PKP2: variants seen among roughly 807,000 people sequenced by gnomAD.
The protein encoded by PKP2 is plakophilin-2.
PKP2 carries 73 observed loss-of-function variants against 83.4 expected under a neutral mutation model. That is an observed-to-expected ratio of 0.88 (90% CI 0.72 to 1.06). The LOEUF (loss-of-function observed/expected upper bound fraction) is 1.06. Ranked by LOEUF, PKP2 falls within the 50% of genes least tolerant of loss-of-function variation. The probability of loss-of-function intolerance (pLI) is 0.00; values close to 1 mark genes in which losing one functional copy is unlikely to be tolerated. For synonymous variants in PKP2, 409 were observed against 430.4 expected (o/e 0.95, Z 0.62); for missense variants, 966 against 1,065.4 (o/e 0.91, Z 1.30).
chr12:32,879,630 A>G (rs1956967558), intron 1 of PKP2, among the ~76,000 whole-genome samples: 1 of 152,052 alleles, frequency 6.6e-6, no homozygotes, highest in Non-Finnish European at 1.5e-5. Flanking sequence ...GGCATTCAAG[A>G]GCAGCCTGGC....
chr12:32,852,481 A>G (rs1049428168), intron 4 of PKP2, among the ~76,000 whole-genome samples: 5 of 152,230 alleles, frequency 3.3e-5, no homozygotes, highest in African/African-American at 1.2e-4. Context: ...AATAATAGCC[A>G]CAACAATAAC....
intron 3 of PKP2, among the ~76,000 whole-genome samples, chr12:32,869,924 A>T (rs1218936770): frequency 1.3e-5 from 2 of 151,854 alleles, no homozygotes; most frequent in Non-Finnish European, 2.9e-5. Flanking sequence ...AGCTACTTGG[A>T]AGGCTGAGGT....
intron 4 of PKP2, among the ~76,000 whole-genome samples, chr12:32,859,389 AGAT>A (rs1300204840): frequency 1.3e-5 from 2 of 152,184 alleles, no homozygotes; most frequent in Non-Finnish European, 2.9e-5. Flanking sequence ...TATGCATGCA[AGAT>A]GATGATAAAT....
intron 1 of PKP2, among the ~76,000 whole-genome samples, chr12:32,885,879 T>C (rs1280823142): frequency 6.6e-6 from 1 of 152,236 alleles, no homozygotes; most frequent in Non-Finnish European, 1.5e-5. Context: ...AAGATCTTTA[T>C]ATAGCCTGCT....
chr12:32,861,195 G>A (rs1427562826), intron 4 of PKP2, among the ~76,000 whole-genome samples: 2 of 152,132 alleles, frequency 1.3e-5, no homozygotes, highest in African/African-American at 2.4e-5. Flanking sequence ...TGCCAGGCAT[G>A]CAAAGAAGAA....
chr12:32,853,009 A>G (rs1187894462), intron 4 of PKP2, among the ~76,000 whole-genome samples: 1 of 152,100 alleles, frequency 6.6e-6, no homozygotes, highest in African/African-American at 2.4e-5. Context: ...GCTTGAACCC[A>G]GGAGGTGGAG....
intron 9 of PKP2, among the ~76,000 whole-genome samples, chr12:32,804,375 T>C (rs916922657): frequency 6.6e-6 from 1 of 152,176 alleles, no homozygotes; most frequent in African/African-American, 2.4e-5. Context: ...ATGTGTACCA[T>C]GGTGGTTTGC....
chr12:32,860,720 T>TA (rs1340442846), intron 4 of PKP2, among the ~76,000 whole-genome samples: 1 of 152,076 alleles, frequency 6.6e-6, no homozygotes. Context: ...AAGCTTCAAG[T>TA]AAAATTTTTT....
chr12:32,810,613 A>G (rs920888721), intron 9 of PKP2, among the ~76,000 whole-genome samples: 15 of 152,228 alleles, frequency 9.9e-5, no homozygotes, highest in African/African-American at 3.6e-4. Context: ...TGATCTAAGG[A>G]TACTCTGGTC....
intron 6 of PKP2, among the ~76,000 whole-genome samples, chr12:32,832,764 T>G (rs1422749985): frequency 6.6e-6 from 1 of 152,216 alleles, no homozygotes; most frequent in Non-Finnish European, 1.5e-5. Context: ...ATTCTGATTT[T>G]CAATAGTAAG....
At position 32,883,172 on chromosome 12, in the gene PKP2, C is replaced by T. The variant is rs1233234288; in HGVS notation, c.224-4140G>A. Among the ~76,000 whole-genome samples, 3 of 152,290 alleles carry T rather than the reference C, an allele frequency of 2.0e-5. No individual in the cohort carries two copies. The East Asian group carries it at 5.8e-4, about 29-fold the overall frequency. On this transcript the variant is annotated intron_variant, in intron 1 of 12. Coordinates refer to ENST00000340811, the MANE Select transcript of PKP2 (RefSeq NM_001005242.3). ...AAAATAAGATTGAATTTTTAAATCA[C>T]AGACACTCTCCCTGTGGAATACACA... is the stretch of plus-strand genomic sequence containing the variant.
At chr12:32,853,394 GA>G (rs79409951) in intron 4 of PKP2, among the ~76,000 whole-genome samples, 22,043 of 87,922 alleles carry the variant, frequency 0.25, 1,498 homozygotes, top group African/African-American at 0.31. Flanking sequence ...TTCCTTAAAC[GA>G]AAAAAAAAAA....
intron 11 of PKP2, among the ~76,000 whole-genome samples, chr12:32,793,756 A>T (rs1223670238): frequency 6.6e-6 from 1 of 150,582 alleles, no homozygotes; most frequent in African/African-American, 2.4e-5. Flanking sequence ...CCACCACGCC[A>T]GGCTAATTTT....
chr12:32,855,583 T>C (rs1048473481), intron 4 of PKP2, among the ~76,000 whole-genome samples: 8 of 152,058 alleles, frequency 5.3e-5, no homozygotes, highest in African/African-American at 1.9e-4. Context: ...GAGACCAGCC[T>C]GGCCAACATA....
chr12:32,796,237 A>C lies in PKP2; in HGVS notation c.2229T>G (p.Leu743=), dbSNP rs777122614. The change falls in exon 11 of 13, where the codon CTT becomes CTG. Residue 743 remains leucine, a synonymous_variant. Transcript: ENST00000340811. ...AGGCAGAGGCTGTAGTTTCAATGAG[A>C]AGGTCAGTACTCGGGACTGTGTCAG... ...IIPDTVPSTD[L]LIETTASACY... The C allele has an allele frequency of 1.9e-6, 3 of 1,613,926 alleles. No individual in the cohort carries two copies. The highest frequency in any genetic ancestry group is 2.7e-5 in the African/African-American group (2 of 75,002).
In PKP2 at chr12:32,878,052, G is replaced by A. The variant is rs2137947497; in HGVS notation, c.828C>T (p.Pro276=). The change falls in exon 3 of 13, where the codon CCC becomes CCT. Residue 276 remains proline, a synonymous_variant. Transcript: ENST00000340811. ...LTVGQVRPLV[P]LQPVTQNRAS... Reference sequence around the variant, plus strand: ...CCCTGTTCTGAGTGACGGGCTGCAGGGGCACCAGCGGCCTGACCTGCCCGA... The same window carrying A: ...CCCTGTTCTGAGTGACGGGCTGCAGAGGCACCAGCGGCCTGACCTGCCCGA... 1 of 1,613,952 alleles carries A rather than the reference G, an allele frequency of 6.2e-7. No individual in the cohort carries two copies. The highest frequency in any genetic ancestry group is 2.2e-5 in the East Asian group (1 of 44,880).
At chr12:32,813,886 G>C (rs1436765372) in intron 9 of PKP2, among the ~76,000 whole-genome samples, 1 of 152,044 alleles carries the variant, frequency 6.6e-6, no homozygotes, top group Non-Finnish European at 1.5e-5. Context: ...GACTCTCAAA[G>C]TGTCCATGAC....
chr12:32,834,976 CGTGTGTGTGTGT>C lies in PKP2; in HGVS notation c.1556+6040_1556+6051del, dbSNP rs10629969. Among the ~76,000 whole-genome samples the C allele has an allele frequency of 2.8e-4, 34 of 119,438 alleles. No individual in the cohort carries two copies. The East Asian group carries it at 2.9e-3, about 10-fold the overall frequency. 78.4% of individuals were successfully genotyped at this position (119,438 alleles called of 152,430 possible). On this transcript the variant is annotated intron_variant, in intron 6 of 12. Transcript: ENST00000340811. ...AAAAAAAAAAGGGACTCACAATAGGCGTGTGTGTGTGTGTGTGTGTGTGTGTGTGTGTGTGTG... is the reference window on the plus strand; with the variant it reads ...AAAAAAAAAAGGGACTCACAATAGGCGTGTGTGTGTGTGTGTGTGTGTGTG...
In PKP2 at chr12:32,858,746, C is replaced by CTGTA. The variant is rs565461778; in HGVS notation, c.1171-7777_1171-7774dup. ...ATTAATATGTGTAATAGGTAAAGAA[C>CTGTA]TGTAAGTCATTAAGAAAGAGATATA... On this transcript the variant is annotated intron_variant, in intron 4 of 12. Coordinates refer to ENST00000340811, the MANE Select transcript of PKP2 (RefSeq NM_001005242.3). 1.6e-3 allele frequency among the ~76,000 whole-genome samples: 242 copies of CTGTA among 151,214 alleles called. 3 individuals are homozygous for CTGTA. The highest frequency in any genetic ancestry group is 5.7e-3 in the African/African-American group (236 of 41,492).
Sources: allele counts gnomAD v4.1 joint callset (sites outside exome capture counted in the v4.1 genomes callset), GRCh38; gene constraint gnomAD v4.1.1; transcripts MANE v1.5; gene names NCBI Gene and HGNC (gene_info 2026-07-23, HGNC 2026-07-21).